MCTP2: variants seen among roughly 807,000 people sequenced by gnomAD.
The protein encoded by MCTP2 is multiple C2 and transmembrane domain containing 2.
A neutral mutation model predicts 111.6 loss-of-function variants in MCTP2; 132 were observed. The ratio of observed to expected loss-of-function variants is 1.18; its 90% CI spans 1.03 to 1.37. MCTP2 has a LOEUF of 1.37. Among genes scored for constraint, MCTP2 ranks in the 40% most tolerant of loss-of-function variants. The pLI is 0.00. For missense variants in MCTP2, 1,183 were observed against 1,067.9 expected, an observed-to-expected ratio of 1.11 and a Z score of -1.50; for synonymous variants, 395 against 387.7, an observed-to-expected ratio of 1.02 and a Z score of -0.22.
intron 1 of MCTP2, among the ~76,000 whole-genome samples, chr15:94,254,103 T>A (rs117766431): frequency 0.038 from 5,765 of 152,314 alleles, 214 homozygotes; most frequent in East Asian, 0.12. Context: ...GTCATAGCAT[T>A]GGAATATTCT....
At chr15:94,395,820 A>C (rs1234568592) in intron 14 of MCTP2, among the ~76,000 whole-genome samples, 1 of 152,192 alleles carries the variant, frequency 6.6e-6, no homozygotes, top group Admixed American at 6.5e-5. Flanking sequence ...TCTGGTTCCA[A>C]AGTCCTGAAT....
chr15:94,403,073 C>G, intron 17 of MCTP2: 2 of 986,872 alleles, frequency 2.0e-6, no homozygotes, highest in Non-Finnish European at 2.4e-6. Context: ...AGTATATCAG[C>G]TCCAAAAGAG....
intron 10 of MCTP2, among the ~76,000 whole-genome samples, chr15:94,360,424 G>A (rs1210806759): frequency 6.6e-6 from 1 of 152,162 alleles, no homozygotes; most frequent in East Asian, 1.9e-4. Flanking sequence ...CGTTGTCACT[G>A]CTGTGATATA....
intron 10 of MCTP2, among the ~76,000 whole-genome samples, chr15:94,365,353 T>C (rs2079130781): frequency 6.6e-6 from 1 of 152,204 alleles, no homozygotes. Context: ...CATGAAAGTG[T>C]TCATTCTAGT....
intron 17 of MCTP2, among the ~76,000 whole-genome samples, chr15:94,421,521 A>T (rs1406523171): frequency 6.6e-6 from 1 of 152,146 alleles, no homozygotes; most frequent in Non-Finnish European, 1.5e-5. Flanking sequence ...TGGAGGATCT[A>T]GGGGAGAATC....
intron 10 of MCTP2, 139 bp from the exon 11 acceptor site, chr15:94,367,466 A>C (rs2079250704): frequency 1.6e-6 from 1 of 637,642 alleles, no homozygotes; most frequent in Non-Finnish European, 2.7e-6. Context: ...AATTAGGGCA[A>C]CCTTTGCTGC....
intron 2 of MCTP2, among the ~76,000 whole-genome samples, chr15:94,312,183 T>C (rs2076175139): frequency 6.6e-6 from 1 of 152,186 alleles, no homozygotes; most frequent in African/African-American, 2.4e-5. Context: ...GAAGGCATGG[T>C]TATTGATGCT....
chr15:94,297,494 A>G (rs2075327722), intron 1 of MCTP2, among the ~76,000 whole-genome samples: 1 of 152,156 alleles, frequency 6.6e-6, no homozygotes, highest in East Asian at 1.9e-4. Flanking sequence ...AATCACCTGT[A>G]TGTGAATATA....
At chr15:94,403,951 C>A (rs1300936798) in intron 17 of MCTP2, among the ~76,000 whole-genome samples, 20 of 152,120 alleles carry the variant, frequency 1.3e-4, no homozygotes, top group Admixed American at 1.3e-3. Flanking sequence ...AAATGCAGAG[C>A]CAGTTAGATA....
chr15:94,370,920 G>T (rs2079450197), intron 12 of MCTP2, among the ~76,000 whole-genome samples: 1 of 152,062 alleles, frequency 6.6e-6, no homozygotes, highest in Non-Finnish European at 1.5e-5. Flanking sequence ...ATTGATTCAG[G>T]ATTGCATGGT....
At chr15:94,478,644 C>T (rs1032244366) in intron 22 of MCTP2, among the ~76,000 whole-genome samples, 1 of 152,106 alleles carries the variant, frequency 6.6e-6, no homozygotes, top group African/African-American at 2.4e-5. Flanking sequence ...ATAAACATTC[C>T]CAAGAGGCAG....
At chr15:94,425,403 C>T (rs16949122) in intron 17 of MCTP2, among the ~76,000 whole-genome samples, 1,543 of 152,142 alleles carry the variant, frequency 0.01, 24 homozygotes, top group African/African-American at 0.033. Flanking sequence ...GCTCTTTGTT[C>T]TTCCATATAA....
At chr15:94,309,793 A>G (rs910542466) in intron 2 of MCTP2, among the ~76,000 whole-genome samples, 4 of 152,182 alleles carry the variant, frequency 2.6e-5, no homozygotes, top group African/African-American at 9.7e-5. Context: ...CCTTCCCATA[A>G]ATTTCAGTTT....
chr15:94,359,858 C>T (rs912845142), intron 10 of MCTP2, among the ~76,000 whole-genome samples: 1 of 152,236 alleles, frequency 6.6e-6, no homozygotes, highest in Admixed American at 6.5e-5. Context: ...ATTGCCTCAT[C>T]CCACCTCAGA....
chr15:94,312,456 C>G (rs746129052), intron 2 of MCTP2, among the ~76,000 whole-genome samples: 4 of 152,220 alleles, frequency 2.6e-5, no homozygotes, highest in Non-Finnish European at 4.4e-5. Flanking sequence ...TGTCTGTCAT[C>G]AAGCCACATT....
chr15:94,427,201 T>G (rs2082938288), intron 17 of MCTP2, among the ~76,000 whole-genome samples: 1 of 152,176 alleles, frequency 6.6e-6, no homozygotes, highest in African/African-American at 2.4e-5. Context: ...ACTCCAATTT[T>G]TGCCTCCCCA....
intron 14 of MCTP2, among the ~76,000 whole-genome samples, chr15:94,395,402 C>G (rs571550290): frequency 6.6e-6 from 1 of 152,186 alleles, no homozygotes; most frequent in East Asian, 1.9e-4. Context: ...TGTATCTTTC[C>G]TCTCTAAAGC....
intron 1 of MCTP2, among the ~76,000 whole-genome samples, chr15:94,262,196 T>C (rs1037451625): frequency 1.3e-5 from 2 of 152,216 alleles, no homozygotes; most frequent in African/African-American, 4.8e-5. Context: ...AAATGAAACT[T>C]TATAATAGTC....
intron 1 of MCTP2, among the ~76,000 whole-genome samples, chr15:94,282,194 T>C (rs1265960678): frequency 6.6e-6 from 1 of 152,196 alleles, no homozygotes; most frequent in Non-Finnish European, 1.5e-5. Context: ...GAGTGATAGG[T>C]GTAGTCTTCT....
Sources: gnomAD v4.1 joint callset for allele counts (sites outside exome capture counted in the v4.1 genomes callset) on GRCh38, gnomAD v4.1.1 for gene constraint, MANE v1.5 for transcripts, NCBI Gene and HGNC (gene_info 2026-07-23, HGNC 2026-07-21) for gene names.